The following CD84 variants were observed in gnomAD, a reference collection of about 807,000 sequenced individuals.
CD84 encodes the protein SLAM family member 5.
A neutral mutation model predicts 33.8 loss-of-function variants in CD84; 22 were observed. The observed-to-expected ratio is 0.65, with a 90% CI of 0.46 to 0.93. The LOEUF is 0.93. CD84 is among the 40% of genes least tolerant of loss of function. CD84 has a pLI of 0.00. For missense variants in CD84, 400 were observed against 397.6 expected (o/e 1.01, Z -0.05); for synonymous variants, 154 against 145.2 (o/e 1.06, Z -0.44).
At chr1:160,567,976 A>T (rs990604986) in intron 1 of CD84, among the ~76,000 whole-genome samples, 1 of 152,126 alleles carries the variant, frequency 6.6e-6, no homozygotes, top group African/African-American at 2.4e-5. Context: ...CTATTTAAAC[A>T]AGGGGCCCTC....
chr1:160,568,954 T>A (rs77304066), intron 1 of CD84, among the ~76,000 whole-genome samples: 3,853 of 152,310 alleles, frequency 0.025, 86 homozygotes, highest in Non-Finnish European at 0.039. Flanking sequence ...AAATAATAAT[T>A]ATGCTATTTG....
rs1655681586 is a variant in CD84 at position 160,544,034 on chromosome 1, G to C, written c.*4222C>G. ...AGGTACAGCGAGGTTAAAGTAACTTGCCTAAGGTCACATGACTAAGAAACC... is the reference window on the plus strand; with the variant it reads ...AGGTACAGCGAGGTTAAAGTAACTTCCCTAAGGTCACATGACTAAGAAACC... On this transcript the variant is annotated 3_prime_UTR_variant, in exon 7 of 7. Transcript: ENST00000368054. The C allele has an allele frequency of 6.6e-6, 1 of 151,934 alleles. No individual in the cohort carries two copies. The highest frequency in any genetic ancestry group is 2.1e-4 in the South Asian group (1 of 4,822). 9.4% of individuals were successfully genotyped at this position (151,934 alleles called of 1,614,324 possible). A position where few individuals can be genotyped will look rare whatever the true frequency, so the allele number is the denominator to read the frequency against.
rs755171651 is a variant in CD84 at position 160,544,727 on chromosome 1, T to A, written c.*3529A>T. Reference sequence around the variant, plus strand: ...AGTTTACAGTGTTCTACAGATTTTTTAAATCATATTTTAAACAAGCTTCAC... The same window carrying A: ...AGTTTACAGTGTTCTACAGATTTTTAAAATCATATTTTAAACAAGCTTCAC... On this transcript the variant is annotated 3_prime_UTR_variant, in exon 7 of 7. Coordinates refer to ENST00000368054, the MANE Select transcript of CD84 (RefSeq NM_003874.4). 5.3e-5 allele frequency: 8 copies of A among 152,174 alleles called. No individual in the cohort carries two copies. Among genetic ancestry groups the A allele is most frequent in the Non-Finnish European group, 1.2e-4 (8 of 68,038 alleles). 9.4% of individuals were successfully genotyped at this position (152,174 alleles called of 1,614,324 possible).
chr1:160,560,377 A>C (rs1171087636), intron 2 of CD84, among the ~76,000 whole-genome samples: 1 of 152,178 alleles, frequency 6.6e-6, no homozygotes, highest in Non-Finnish European at 1.5e-5. Flanking sequence ...GAAATTCAAC[A>C]ATCTGTTCCT....
In CD84 at chr1:160,543,030, T is replaced by C. The variant is rs1655621827; in HGVS notation, c.*5226A>G. 1 of 152,200 alleles carries C rather than the reference T, an allele frequency of 6.6e-6. No individual in the cohort carries two copies. The highest frequency in any genetic ancestry group is 2.4e-5 in the African/African-American group (1 of 41,442). The allele number at this position is 152,200 out of a possible 1,614,324, so 9.4% of individuals were successfully genotyped here. ...GAAATTTACAGTTTCTCTTATTTTA[T>C]ATTAACTCATCAGAATGTTTATGAC... is the stretch of plus-strand genomic sequence containing the variant. On this transcript the variant is annotated 3_prime_UTR_variant, in exon 7 of 7. Coordinates refer to ENST00000368054, the MANE Select transcript of CD84 (RefSeq NM_003874.4).
At chr1:160,572,407 T>C (rs1657744412) in intron 1 of CD84, among the ~76,000 whole-genome samples, 1 of 152,140 alleles carries the variant, frequency 6.6e-6, no homozygotes, top group Non-Finnish European at 1.5e-5. Context: ...CTAGGAATAT[T>C]TGAACGTAGC....
intron 1 of CD84, among the ~76,000 whole-genome samples, chr1:160,567,398 G>T (rs872407): frequency 0.05 from 7,585 of 152,216 alleles, 645 homozygotes; most frequent in African/African-American, 0.17. Flanking sequence ...AGATTTTCCC[G>T]TAGGAGCAGT....
At chr1:160,568,238 G>A (rs752029189) in intron 1 of CD84, among the ~76,000 whole-genome samples, 104 of 152,138 alleles carry the variant, frequency 6.8e-4, no homozygotes, top group Middle Eastern at 3.2e-3. Flanking sequence ...TATTAGGGCC[G>A]TTGAGCAGCC....
chr1:160,548,218 G>A lies in CD84; in HGVS notation c.*38C>T. On this transcript the variant is annotated 3_prime_UTR_variant, in exon 7 of 7. Transcript: ENST00000368054. ...AGGGAACCTGCCAGTATTGGTGGTTGTAACTCAGTTTCCAGAGGGAGAATT... is the reference window on the plus strand; with the variant it reads ...AGGGAACCTGCCAGTATTGGTGGTTATAACTCAGTTTCCAGAGGGAGAATT... The A allele has an allele frequency of 2.5e-6, 4 of 1,607,754 alleles. No individual in the cohort carries two copies. Among genetic ancestry groups the A allele is most frequent in the Non-Finnish European group, 3.4e-6 (4 of 1,174,302 alleles).
intron 2 of CD84, among the ~76,000 whole-genome samples, chr1:160,559,833 AGTTTCT>A (rs1656837620): frequency 6.6e-6 from 1 of 152,152 alleles, no homozygotes; most frequent in South Asian, 2.1e-4. Context: ...TTACAATCCT[AGTTTCT>A]GACAAAATAG....
intron 1 of CD84, among the ~76,000 whole-genome samples, chr1:160,578,264 T>C (rs977579515): frequency 2.6e-5 from 4 of 152,224 alleles, no homozygotes; most frequent in Non-Finnish European, 4.4e-5. Context: ...GCAAATTAAG[T>C]GGTATCAAAT....
chr1:160,573,781 C>T (rs536040931), intron 1 of CD84, among the ~76,000 whole-genome samples: 2 of 152,224 alleles, frequency 1.3e-5, no homozygotes, highest in African/African-American at 4.8e-5. Context: ...CAATACACTG[C>T]TACTATAATG....
chr1:160,558,242 G>A (rs929405935), intron 2 of CD84, among the ~76,000 whole-genome samples: 1 of 152,168 alleles, frequency 6.6e-6, no homozygotes, highest in Admixed American at 6.5e-5. Flanking sequence ...CTGGCAACAG[G>A]TCAGTACACC....
Position 160,542,939 on chromosome 1 carries a change from T to G in CD84, c.*5317A>C, listed in dbSNP as rs1655617334. ...TTGTTTTTTTTAACCACTAAATTGTTCAGCACAATTCCCCAAATTCTTATC... is the reference window on the plus strand; with the variant it reads ...TTGTTTTTTTTAACCACTAAATTGTGCAGCACAATTCCCCAAATTCTTATC... On this transcript the variant is annotated 3_prime_UTR_variant, in exon 7 of 7. Transcript: ENST00000368054. The G allele has an allele frequency of 6.6e-6, 1 of 152,204 alleles. No homozygotes were observed. The highest frequency in any genetic ancestry group is 1.5e-5 in the Non-Finnish European group (1 of 68,044). 9.4% of individuals were successfully genotyped at this position (152,204 alleles called of 1,614,324 possible). A position where few individuals can be genotyped will look rare whatever the true frequency, so the allele number is the denominator to read the frequency against.
chr1:160,550,059 A>C, intron 5 of CD84, 80 bp from the exon 6 acceptor site: 1 of 975,192 alleles, frequency 1.0e-6, no homozygotes, highest in Non-Finnish European at 1.6e-6. Context: ...GCCTCTACCC[A>C]CCATCCTTCC....
At chr1:160,563,670 G>A (rs143434339) in intron 2 of CD84, among the ~76,000 whole-genome samples, 3,330 of 152,100 alleles carry the variant, frequency 0.022, 117 homozygotes, top group African/African-American at 0.076. Flanking sequence ...AATGATCTGT[G>A]CAGCAAACCA....
chr1:160,542,043 A>C lies in CD84; in HGVS notation c.*6213T>G, dbSNP rs779638186. On this transcript the variant is annotated 3_prime_UTR_variant, in exon 7 of 7. Transcript: ENST00000368054. Reference sequence around the variant, plus strand: ...GGTGACAGGGAGAATGAAGGAGCCAAGGATGAAAAAGTTTTCTGCCTTGGG... The same window carrying C: ...GGTGACAGGGAGAATGAAGGAGCCACGGATGAAAAAGTTTTCTGCCTTGGG... 2.6e-5 allele frequency: 4 copies of C among 152,270 alleles called. No individual in the cohort carries two copies. Among genetic ancestry groups the C allele is most frequent in the Non-Finnish European group, 5.9e-5 (4 of 68,082 alleles). The allele number at this position is 152,270 out of a possible 1,614,324, so 9.4% of individuals were successfully genotyped here.
Position 160,553,484 on chromosome 1 carries a change from G to T in CD84, c.654C>A (p.Gly218=). ...GCAACCCGGTGTGGTGAGTACGGAAGCCCATTGCGATGTCTGGAAATAGAA... is the reference window on the plus strand; with the variant it reads ...GCAACCCGGTGTGGTGAGTACGGAATCCCATTGCGATGTCTGGAAATAGAA... ...ARQLCADIAM[G]FRTHHTGLLS... is the part of the protein sequence containing the mutation. The change falls in exon 4 of 7, where the codon GGC becomes GGA. Residue 218 remains glycine (G), a synonymous_variant. Transcript: ENST00000368054. 6.2e-7 allele frequency: 1 copy of T among 1,614,126 alleles called. No homozygotes were observed. The highest frequency in any genetic ancestry group is 8.5e-7 in the Non-Finnish European group (1 of 1,180,006).
intron 2 of CD84, among the ~76,000 whole-genome samples, chr1:160,563,596 T>C (rs137943885): frequency 1.4e-3 from 213 of 151,618 alleles, no homozygotes; most frequent in African/African-American, 5.0e-3. Flanking sequence ...TGGAGAGGGG[T>C]TGGGGGAGAG....
Sources: allele counts gnomAD v4.1 joint callset (sites outside exome capture counted in the v4.1 genomes callset), GRCh38; gene constraint gnomAD v4.1.1; transcripts MANE v1.5; gene names NCBI Gene and HGNC (gene_info 2026-07-23, HGNC 2026-07-21).